Variants in PDGFRA observed in about 807,000 individuals in gnomAD.
PDGFRA encodes the protein platelet-derived growth factor receptor alpha.
A neutral mutation model predicts 121.5 loss-of-function variants in PDGFRA; 25 were observed. The ratio of observed to expected loss-of-function variants is 0.21; its 90% CI spans 0.15 to 0.29. The LOEUF is 0.29. Ranked by LOEUF, PDGFRA falls within the 10% of genes least tolerant of loss-of-function variation. The pLI is 1.00. For synonymous variants in PDGFRA, 463 were observed against 494.8 expected (o/e 0.94, Z 0.85); for missense variants, 1,008 against 1,345.1 (o/e 0.75, Z 3.92).
At chr4:54,267,090 A>C (rs1723067133) in intron 5 of PDGFRA, among the ~76,000 whole-genome samples, 199 bp from the exon 6 acceptor site, 1 of 152,056 alleles carries the variant, frequency 6.6e-6, no homozygotes, top group African/African-American at 2.4e-5. Context: ...CAAAATTGAG[A>C]GGTACAGAGA....
intron 1 of PDGFRA, among the ~76,000 whole-genome samples, chr4:54,234,423 A>C (rs1720893675): frequency 6.6e-6 from 1 of 152,174 alleles, no homozygotes; most frequent in Non-Finnish European, 1.5e-5. Flanking sequence ...TTGGACCAAC[A>C]CTGCCATCTG....
At chr4:54,248,574 A>C (rs1560457174) in intron 1 of PDGFRA, among the ~76,000 whole-genome samples, 1 of 152,186 alleles carries the variant, frequency 6.6e-6, no homozygotes, top group African/African-American at 2.4e-5. Context: ...TTCAAGATGG[A>C]TTAAAGACTT....
rs1721314515 is a variant in PDGFRA at position 54,241,780 on chromosome 4, C to T, written c.-13+12365C>T. ...GTCAGGCTGGTCTCAAACTCCTGAC[C>T]TCAGTTGATCCACCCACCTTGGCCT... On this transcript the variant is annotated intron_variant, in intron 1 of 22. Coordinates refer to ENST00000257290, the MANE Select transcript of PDGFRA (RefSeq NM_006206.6). Among the ~76,000 whole-genome samples the T allele has an allele frequency of 3.3e-5, 5 of 151,978 alleles. No individual in the cohort carries two copies. In the South Asian group the frequency reaches 1.0e-3, roughly 32 times the overall value.
chr4:54,230,577 C>T (rs1252072255), intron 1 of PDGFRA: 3 of 152,270 alleles, frequency 2.0e-5, no homozygotes, highest in African/African-American at 7.2e-5. Flanking sequence ...AAGTTAGGGA[C>T]GACTTGGAAC....
At chr4:54,237,713 C>T (rs965934714) in intron 1 of PDGFRA, among the ~76,000 whole-genome samples, 2 of 152,206 alleles carry the variant, frequency 1.3e-5, no homozygotes, top group African/African-American at 4.8e-5. Context: ...ATCAGCCAGC[C>T]AGCATTGTGT....
intron 12 of PDGFRA, chr4:54,277,066 C>T (rs1292006102): frequency 2.5e-6 from 1 of 405,032 alleles, no homozygotes; most frequent in East Asian, 5.0e-5. Context: ...GGGTGAGAGC[C>T]CCGAAGGCAA....
intron 4 of PDGFRA, chr4:54,264,285 A>T: frequency 2.5e-6 from 1 of 392,892 alleles, no homozygotes; most frequent in Non-Finnish European, 4.5e-6. Flanking sequence ...TTAGTAACTT[A>T]AGAAAAGTGA....
At position 54,261,246 on chromosome 4, in the gene PDGFRA, C is replaced by T. The variant is rs35805947; in HGVS notation, c.201C>T (p.Ser67=). The change falls in exon 3 of 23, where the codon TCC becomes TCT. Residue 67 remains serine, a synonymous_variant. Coordinates refer to ENST00000257290, the MANE Select transcript of PDGFRA (RefSeq NM_006206.6). ...WQYPMSEEES[S]DVEIRNEENN... ...ACCCCATGTCTGAAGAAGAGAGCTC[C>T]GATGTGGAAATCAGAAATGAAGAAA... is the stretch of plus-strand genomic sequence containing the variant. 3.3e-3 allele frequency: 5,406 copies of T among 1,614,014 alleles called. 5 individuals carry two copies. Among genetic ancestry groups the T allele is most frequent in the African/African-American group, 7.8e-3 (583 of 74,976 alleles).
chr4:54,289,237 G>A, intron 21 of PDGFRA, 123 bp downstream of exon 21: 2 of 719,040 alleles, frequency 2.8e-6, no homozygotes, highest in South Asian at 3.0e-5. Context: ...TGATCCAGTG[G>A]CTGGGCTTCA....
chr4:54,272,543 C>T, intron 9 of PDGFRA, 23 bp downstream of exon 9: 1 of 1,610,988 alleles, frequency 6.2e-7, no homozygotes, highest in Non-Finnish European at 8.5e-7. Context: ...GATGTGTCTT[C>T]TTCTTTCGTG....
intron 15 of PDGFRA, 26 bp downstream of exon 15, chr4:54,278,541 T>C (rs2110317379): frequency 6.2e-7 from 1 of 1,607,970 alleles, no homozygotes; most frequent in Non-Finnish European, 8.5e-7. Context: ...GATGTTGCTG[T>C]CTATCATTAT....
chr4:54,261,200 A>G lies in PDGFRA; in HGVS notation c.155A>G (p.Glu52Gly), dbSNP rs2110242186. The G allele has an allele frequency of 1.9e-6, 3 of 1,614,074 alleles. No homozygotes were observed. Among genetic ancestry groups the G allele is most frequent in the Non-Finnish European group, 1.7e-6 (2 of 1,179,984 alleles). The change falls in exon 3 of 23, where the codon GAG becomes GGG. Residue 52 changes from glutamate (E) to glycine (G), a missense_variant. This residue lies in a region of PDGFRA where 575 missense variants were observed against 701.8 expected (regional missense o/e 0.82). Transcript: ENST00000257290. ...TCCTTTTCTCTGAGATGCTTTGGGG[A>G]GAGTGAAGTGAGCTGGCAGTACCCC... ...NSSFSLRCFG[E>G]SEVSWQYPMS...
intron 16 of PDGFRA, among the ~76,000 whole-genome samples, chr4:54,284,449 C>G (rs1021812548): frequency 2.6e-5 from 4 of 152,062 alleles, no homozygotes; most frequent in African/African-American, 9.7e-5. Flanking sequence ...ATGGATTCTG[C>G]AGGCTATACA....
intron 1 of PDGFRA, among the ~76,000 whole-genome samples, chr4:54,249,148 G>A (rs1441209221): frequency 6.6e-6 from 1 of 152,144 alleles, no homozygotes; most frequent in Non-Finnish European, 1.5e-5. Context: ...CTGTAAACTA[G>A]TTCAACCCTT....
chr4:54,260,416 T>TG (rs764063432), intron 2 of PDGFRA, among the ~76,000 whole-genome samples: 23,576 of 139,746 alleles, frequency 0.17, 2,499 homozygotes, highest in Admixed American at 0.3. Flanking sequence ...TTTTTTTTTT[T>TG]TTTTTTTTTT....
In PDGFRA at chr4:54,263,893, C is replaced by T. The variant is rs1018795199; in HGVS notation, c.594C>T (p.Phe198=). Residue 198 remains phenylalanine, a synonymous_variant, in exon 4 of 23, where the codon TTC becomes TTT. Transcript: ENST00000257290. ...AGGCCACCGTCAAAGGAAAGAAGTT[C>T]CAGACCATCCCATTTAATGTTTATG... The part of the protein sequence containing the change: ...ICEATVKGKK[F]QTIPFNVYAL... The T allele has an allele frequency of 6.2e-7, 1 of 1,613,982 alleles. No individual in the cohort carries two copies. The highest frequency in any genetic ancestry group is 1.1e-5 in the South Asian group (1 of 91,072).
intron 5 of PDGFRA, among the ~76,000 whole-genome samples, chr4:54,265,549 C>T (rs1021274106): frequency 2.0e-5 from 3 of 152,124 alleles, no homozygotes; most frequent in Non-Finnish European, 4.4e-5. Context: ...CTTTGCATGG[C>T]TCACCTTCAG....
In PDGFRA at chr4:54,263,724, A is replaced by G. The variant is rs1337241636; in HGVS notation, c.425A>G (p.Asp142Gly). ...GMTDYLVIVE[D>G]DDSAIIPCRT... ...ACGGATTATTTAGTCATCGTGGAGG[A>G]TGATGATTCTGCCATTATACCTTGT... The change falls in exon 4 of 23, where the codon GAT becomes GGT. Residue 142 changes from aspartate (D) to glycine (G), a missense_variant. Coordinates refer to ENST00000257290, the MANE Select transcript of PDGFRA (RefSeq NM_006206.6). 1 of 1,613,878 alleles carries G rather than the reference A, an allele frequency of 6.2e-7. No individual in the cohort carries two copies. Among genetic ancestry groups the G allele is most frequent in the Non-Finnish European group, 8.5e-7 (1 of 1,179,792 alleles).
At position 54,257,561 on chromosome 4, in the gene PDGFRA, T is replaced by G. The variant is rs114566339; in HGVS notation, c.-12-1196T>G. ...AGGCCAAGACTAACATGGTGATTTT[T>G]GGGGGGTTATGTTAAAACTGGGGGC... On this transcript the variant is annotated intron_variant, in intron 1 of 22. Transcript: ENST00000257290. 7.5e-3 allele frequency among the ~76,000 whole-genome samples: 1,149 copies of G among 152,190 alleles called. 16 individuals are homozygous for G. The highest frequency in any genetic ancestry group is 0.026 in the African/African-American group (1,085 of 41,512).
Sources: allele counts gnomAD v4.1 joint callset (sites outside exome capture counted in the v4.1 genomes callset), GRCh38; gene constraint gnomAD v4.1.1; regional missense constraint gnomAD v4.1.1; transcripts MANE v1.5; gene names NCBI Gene and HGNC (gene_info 2026-07-23, HGNC 2026-07-21).